The following TSPEAR variants were observed in gnomAD, a reference collection of about 807,000 sequenced individuals.
The protein encoded by TSPEAR is thrombospondin-type laminin G domain and EAR repeat-containing protein.
Under a neutral mutation model 71.6 loss-of-function variants are expected in TSPEAR, and 69 were observed. The ratio of observed to expected loss-of-function variants is 0.96; its 90% CI spans 0.79 to 1.18. The LOEUF (loss-of-function observed/expected upper bound fraction) is 1.18. TSPEAR is among the 50% of genes most tolerant of loss of function. TSPEAR has a pLI of 0.00. For synonymous variants in TSPEAR, 402 were observed against 387.2 expected (o/e 1.04, Z -0.45); for missense variants, 971 against 894.9 (o/e 1.09, Z -1.09).
At chr21:44,615,159 T>C (rs782497657) in intron 1 of TSPEAR, among the ~76,000 whole-genome samples, 1 of 152,232 alleles carries the variant, frequency 6.6e-6, no homozygotes, top group African/African-American at 2.4e-5. Context: ...CTCCGGCGCA[T>C]GTACGTAAGC....
chr21:44,677,805 G>T (rs1252692912), intron 1 of TSPEAR: 2 of 1,283,320 alleles, frequency 1.6e-6, no homozygotes, highest in Admixed American at 1.7e-5. Context: ...AACATTATAA[G>T]GTGCAGAACC....
chr21:44,572,062 G>A (rs782610676), intron 1 of TSPEAR, among the ~76,000 whole-genome samples: 6 of 152,336 alleles, frequency 3.9e-5, no homozygotes, highest in Admixed American at 6.5e-5. Flanking sequence ...GGGATGGGCC[G>A]CGGCCGTGTC....
In TSPEAR at chr21:44,661,143, G is replaced by A. The variant is rs371535513; in HGVS notation, c.82+50290C>T. Among the ~76,000 whole-genome samples, 1,127 of 151,938 alleles carry A rather than the reference G, an allele frequency of 7.4e-3. 14 individuals are homozygous for A. The highest frequency in any genetic ancestry group is 0.026 in the African/African-American group (1,067 of 41,424). Reference sequence around the variant, plus strand: ...CAAAAAATTAGCCGGGTGTGGTGGCGGGCGCCTGTAGTCCCAGCTACTCGG... The same window carrying A: ...CAAAAAATTAGCCGGGTGTGGTGGCAGGCGCCTGTAGTCCCAGCTACTCGG... On this transcript the variant is annotated intron_variant, in intron 1 of 11. Transcript: ENST00000323084.
At chr21:44,693,269 T>C (rs1174512680) in intron 1 of TSPEAR, among the ~76,000 whole-genome samples, 2 of 152,242 alleles carry the variant, frequency 1.3e-5, no homozygotes, top group East Asian at 3.9e-4. Flanking sequence ...GGAGAAAAGA[T>C]GGGAAAAATG....
At chr21:44,643,134 T>A (rs1044817522) in intron 1 of TSPEAR, among the ~76,000 whole-genome samples, 1 of 152,272 alleles carries the variant, frequency 6.6e-6, no homozygotes, top group Middle Eastern at 3.4e-3. Context: ...CTGCACACAC[T>A]ATGCTAGGTG....
chr21:44,518,411 T>A, intron 9 of TSPEAR: 1 of 410,916 alleles, frequency 2.4e-6, no homozygotes. Flanking sequence ...GGACTTGGTG[T>A]TATCACAGGG....
chr21:44,612,095 C>T lies in TSPEAR; in HGVS notation c.83-44090G>A, dbSNP rs782563258. On this transcript the variant is annotated intron_variant, in intron 1 of 11. Transcript: ENST00000323084. The surrounding 1 kb of genome is among the most constrained non-coding windows in gnomAD (Gnocchi z 4.1). ...AGCACTCACACCACCCAGTCCAGCA[C>T]CCACCATGGCTGACGCCTGCTGCAC... 2 of 1,611,890 alleles carry T rather than the reference C, an allele frequency of 1.2e-6. No individual in the cohort carries two copies. Among genetic ancestry groups the T allele is most frequent in the Non-Finnish European group, 1.7e-6 (2 of 1,178,854 alleles).
At chr21:44,499,982 G>A in intron 11 of TSPEAR, 46 bp from the exon 12 acceptor site, 5 of 1,547,094 alleles carry the variant, frequency 3.2e-6, no homozygotes, top group Non-Finnish European at 4.3e-6. Flanking sequence ...GCTCTGCGGG[G>A]CAGCTCCTCT....
intron 1 of TSPEAR, among the ~76,000 whole-genome samples, chr21:44,604,256 T>C (rs1981169084): frequency 6.6e-6 from 1 of 152,212 alleles, no homozygotes; most frequent in Non-Finnish European, 1.5e-5. Flanking sequence ...ACATGTTGAC[T>C]TCTGTTGGTT....
rs587769230 is a variant in TSPEAR, at chr21:44,564,124, T to C, written c.303+3661A>G. Among the ~76,000 whole-genome samples the C allele has an allele frequency of 2.6e-5, 4 of 152,274 alleles. No homozygotes were observed. The East Asian group carries it at 7.7e-4, about 29-fold the overall frequency. ...GCAGAGTGTGCCTTGTTCAACCTTA[T>C]CTGGGAACATGCATTTTGGGAGACT... On this transcript the variant is annotated intron_variant, in intron 2 of 11. Transcript: ENST00000323084.
At chr21:44,631,913 TG>T (rs1341955433) in intron 1 of TSPEAR, among the ~76,000 whole-genome samples, 1 of 151,990 alleles carries the variant, frequency 6.6e-6, no homozygotes, top group African/African-American at 2.4e-5. Flanking sequence ...GCCAGGTGCC[TG>T]GGGGGAGGAG....
At chr21:44,574,995 G>T (rs781784447) in intron 1 of TSPEAR, 4 of 1,609,418 alleles carry the variant, frequency 2.5e-6, no homozygotes, top group Non-Finnish European at 3.4e-6. Flanking sequence ...AGCCTGCTGA[G>T]GCCTCCGCTC....
At chr21:44,613,058 C>T in intron 1 of TSPEAR, 1 of 909,376 alleles carries the variant, frequency 1.1e-6, no homozygotes, top group Non-Finnish European at 1.6e-6. Context: ...TCACTGCTCC[C>T]CAGCTCTTGC....
At chr21:44,604,186 C>T (rs997913183) in intron 1 of TSPEAR, among the ~76,000 whole-genome samples, 2 of 152,140 alleles carry the variant, frequency 1.3e-5, no homozygotes, top group African/African-American at 2.4e-5. Flanking sequence ...AAGGTAGGGG[C>T]GCAGCATGCT....
At chr21:44,552,006 A>G (rs1168311015) in intron 2 of TSPEAR, among the ~76,000 whole-genome samples, 2 of 152,224 alleles carry the variant, frequency 1.3e-5, no homozygotes, top group Admixed American at 6.5e-5. Context: ...GTCTGCCAAG[A>G]GCAGGAGGAC....
intron 1 of TSPEAR, chr21:44,697,875 G>T (rs1555950986): frequency 1.9e-6 from 3 of 1,603,484 alleles, no homozygotes; most frequent in South Asian, 1.1e-5. Context: ...CAGCCAAGCT[G>T]CGGCCGCCTG....
In TSPEAR at chr21:44,710,122, G is replaced by T. The variant is rs540532038; in HGVS notation, c.82+1311C>A. On this transcript the variant is annotated intron_variant, in intron 1 of 11. Transcript: ENST00000323084. This position sits in a 1 kb window ranked among gnomAD's most constrained non-coding sequence, Gnocchi z 4.6. Reference sequence around the variant, plus strand: ...TGCTGAGGAGTCTCTCAGCTGCCCCGGGGTCCTCGAGCAGGGGAGGGAGAA... The same window carrying T: ...TGCTGAGGAGTCTCTCAGCTGCCCCTGGGTCCTCGAGCAGGGGAGGGAGAA... Among the ~76,000 whole-genome samples, 1 of 152,096 alleles carries T rather than the reference G, an allele frequency of 6.6e-6. No homozygotes were observed. The highest frequency in any genetic ancestry group is 2.1e-4 in the South Asian group (1 of 4,804).
rs1555915103 is a variant in TSPEAR, at chr21:44,527,473, G to C, written c.968C>G (p.Thr323Ser). The change falls in exon 7 of 12, where the codon ACC (threonine) becomes AGC (serine). Residue 323 changes from threonine to serine, a missense_variant. Physicochemically the swap from Thr to Ser is moderately conservative, Grantham distance 58. Transcript: ENST00000323084. ...CTCAATGCCCAGGGTCTCTGAGTTG[G>C]TGGACAAGTTCTGATGCTCCTCCAC... ...DYVEEHQNLSTNSETLGIEVF... is the reference protein window; with the variant it reads ...DYVEEHQNLSSNSETLGIEVF... The C allele has an allele frequency of 1.9e-6, 3 of 1,614,220 alleles. No homozygotes were observed. The highest frequency in any genetic ancestry group is 3.3e-5 in the Admixed American group (2 of 60,034).
intron 1 of TSPEAR, among the ~76,000 whole-genome samples, chr21:44,663,261 G>A (rs1420666524): frequency 6.6e-6 from 1 of 151,914 alleles, no homozygotes; most frequent in East Asian, 1.9e-4. Flanking sequence ...AGCAATATTA[G>A]GAGTGAAGAA....
Sources: allele counts gnomAD v4.1 joint callset (sites outside exome capture counted in the v4.1 genomes callset), GRCh38; gene constraint gnomAD v4.1.1; non-coding constraint Gnocchi (gnomAD v3.1); transcripts MANE v1.5; gene names NCBI Gene and HGNC (gene_info 2026-07-23, HGNC 2026-07-21).